Variants in RNASEH2A observed in about 807,000 individuals in gnomAD.
The protein encoded by RNASEH2A is ribonuclease H2 subunit A, also known as RNase H(35).
RNASEH2A carries 30 observed loss-of-function variants against 32.7 expected under a neutral mutation model. The observed-to-expected ratio is 0.92, with a 90% CI of 0.69 to 1.25. The LOEUF (loss-of-function observed/expected upper bound fraction) is 1.25. Among genes scored for constraint, RNASEH2A ranks in the 50% most tolerant of loss-of-function variants. The probability of loss-of-function intolerance (pLI) is 0.00; values close to 1 mark genes in which losing one functional copy is unlikely to be tolerated. For missense variants in RNASEH2A, 409 were observed against 398.1 expected, an observed-to-expected ratio of 1.03 and a Z score of -0.23; for synonymous variants, 147 against 165.4, an observed-to-expected ratio of 0.89 and a Z score of 0.86.
Position 12,807,330 on chromosome 19 carries a change from G to A in RNASEH2A, c.323+1G>A, listed in dbSNP as rs1388246689. ...TCATCTCTACCAGCATGCTTGGGCG[G>A]TGAGGGGTCCCCGGGAGGGGCAGCC... On this transcript the variant is annotated splice_donor_variant, in intron 3 of 7. Transcript: ENST00000221486. LOFTEE classifies it high-confidence loss of function. 6.2e-7 allele frequency: 1 copy of A among 1,614,174 alleles called. No individual in the cohort carries two copies. The highest frequency in any genetic ancestry group is 2.2e-5 in the East Asian group (1 of 44,882).
At chr19:12,813,026 G>T in intron 6 of RNASEH2A, 57 bp from the exon 7 acceptor site, 3 of 1,609,924 alleles carry the variant, frequency 1.9e-6, no homozygotes, top group Non-Finnish European at 2.5e-6. Flanking sequence ...AAGAGTGGCA[G>T]GGAGCTTGAA....
Position 12,806,680 on chromosome 19 carries a change from C to T in RNASEH2A, c.7C>T (p.Leu3Phe). The T allele has an allele frequency of 6.3e-7, 1 of 1,574,828 alleles. No homozygotes were observed. Among genetic ancestry groups the T allele is most frequent in the South Asian group, 1.2e-5 (1 of 86,130 alleles). Residue 3 changes from leucine to phenylalanine, a missense_variant, in exon 1 of 8, where the codon CTC becomes TTC. By Grantham distance (22) the Leu-to-Phe change is conservative. Transcript: ENST00000221486. ...TGGTGGCGGCTGAGGCGGCATGGAT[C>T]TCAGCGAGCTGGAGAGAGACAATAC... MD[L>F]SELERDNTGR...
chr19:12,813,361 C>T lies in RNASEH2A; in HGVS notation c.795C>T (p.Leu265=). ...EDSASENQEG[L]RKITSYFLNE... ...CAGCATCCGAGAATCAGGAGGGACT[C>T]AGGAAGATCACATCCTACTTCCTCA... is the stretch of plus-strand genomic sequence containing the variant. Residue 265 remains leucine, a synonymous_variant, in exon 8 of 8, where the codon CTC becomes CTT. Coordinates refer to ENST00000221486, the MANE Select transcript of RNASEH2A (RefSeq NM_006397.3). The T allele has an allele frequency of 6.2e-7, 1 of 1,614,164 alleles. No homozygotes were observed.
At position 12,813,467 on chromosome 19, in the gene RNASEH2A, C is replaced by A; in HGVS notation, c.*1C>A. 6.2e-7 allele frequency: 1 copy of A among 1,613,256 alleles called. No homozygotes were observed. Among genetic ancestry groups the A allele is most frequent in the Non-Finnish European group, 8.5e-7 (1 of 1,180,022 alleles). On this transcript the variant is annotated 3_prime_UTR_variant, in exon 8 of 8. Transcript: ENST00000221486. The stretch of plus-strand genomic sequence containing the variant: ...CCTGGAGTCAGCAACCAGCCTCTAG[C>A]AGCTGCCTCTACGCGCTCTACCTGC...
intron 4 of RNASEH2A, chr19:12,807,805 G>A (rs145838677): frequency 3.5e-4 from 136 of 390,766 alleles, no homozygotes; most frequent in East Asian, 1.7e-3. Context: ...GGTGGCAGGC[G>A]CCTGTAATCC....
chr19:12,809,956 T>C, intron 4 of RNASEH2A, 115 bp from the exon 5 acceptor site: 3 of 1,346,722 alleles, frequency 2.2e-6, no homozygotes, highest in Non-Finnish European at 3.2e-6. Context: ...TGATCCATCC[T>C]GGGGACGTGC....
In RNASEH2A at chr19:12,813,134, T is replaced by A. The variant is rs761897886; in HGVS notation, c.689T>A (p.Phe230Tyr). 2 of 1,613,876 alleles carry A rather than the reference T, an allele frequency of 1.2e-6. No homozygotes were observed. Among genetic ancestry groups the A allele is most frequent in the Non-Finnish European group, 8.5e-7 (1 of 1,179,996 alleles). The change falls in exon 7 of 8, where the codon TTC becomes TAC. Residue 230 changes from phenylalanine (F) to tyrosine (Y), a missense_variant. By Grantham distance (22) the Phe-to-Tyr change is conservative (BLOSUM62 3). Coordinates refer to ENST00000221486, the MANE Select transcript of RNASEH2A (RefSeq NM_006397.3). ...LKEHVEPVFG[F>Y]PQFVRFSWRT... Reference sequence around the variant, plus strand: ...GAGCACGTGGAGCCTGTGTTCGGCTTCCCCCAGTTTGTCCGGTTCAGCTGG... The same window carrying A: ...GAGCACGTGGAGCCTGTGTTCGGCTACCCCCAGTTTGTCCGGTTCAGCTGG...
At chr19:12,808,970 G>C (rs1969035143) in intron 4 of RNASEH2A, among the ~76,000 whole-genome samples, 1 of 152,164 alleles carries the variant, frequency 6.6e-6, no homozygotes, top group Non-Finnish European at 1.5e-5. Context: ...AGACCCTGCT[G>C]AGGAGGGACC....
rs1289383180 is a variant in RNASEH2A, at chr19:12,806,711, G to A, written c.38G>A (p.Arg13His). 3.8e-6 allele frequency: 6 copies of A among 1,569,712 alleles called. No homozygotes were observed. The highest frequency in any genetic ancestry group is 2.7e-5 in the African/African-American group (2 of 74,184). The change falls in exon 1 of 8, where the codon CGC becomes CAC. Residue 13 changes from arginine (R) to histidine (H), a missense_variant. By Grantham distance (29) the Arg-to-His change is conservative (BLOSUM62 0). Transcript: ENST00000221486. ...LSELERDNTG[R>H]CRLSSPVPAV... ...GAGCTGGAGAGAGACAATACAGGCC[G>A]CTGTCGCCTGAGTTCGCCTGTGCCC...
In RNASEH2A at chr19:12,813,440, G is replaced by C. The variant is rs768346345; in HGVS notation, c.874G>C (p.Gly292Arg). The C allele has an allele frequency of 1.9e-6, 3 of 1,613,816 alleles. No individual in the cohort carries two copies. The highest frequency in any genetic ancestry group is 2.5e-6 in the Non-Finnish European group (3 of 1,180,012). Residue 292 changes from glycine to arginine, a missense_variant, in exon 8 of 8, where the codon GGC becomes CGC. Transcript: ENST00000221486. ...TTCCCACCGATATTTCCTGGAACGCGGCCTGGAGTCAGCAACCAGCCTCTA... is the reference window on the plus strand; with the variant it reads ...TTCCCACCGATATTTCCTGGAACGCCGCCTGGAGTCAGCAACCAGCCTCTA... ...RSSHRYFLER[G>R]LESATSL
rs2145823865 is a variant in RNASEH2A at position 12,806,634 on chromosome 19, A to G, written c.-40A>G. 4 of 1,563,214 alleles carry G rather than the reference A, an allele frequency of 2.6e-6. No homozygotes were observed. On this transcript the variant is annotated 5_prime_UTR_variant, in exon 1 of 8. Coordinates refer to ENST00000221486, the MANE Select transcript of RNASEH2A (RefSeq NM_006397.3). ...AACGCGCGCCGAGACCCGCTCCTGC[A>G]GTATTAGTTCTTGCAGCTGGTGGTG...
chr19:12,810,730 A>G (rs1969060942), intron 6 of RNASEH2A, among the ~76,000 whole-genome samples: 1 of 151,954 alleles, frequency 6.6e-6, no homozygotes, highest in African/African-American at 2.4e-5. Context: ...AGTTTTCTCC[A>G]TGTTGGTCAG....
At chr19:12,810,497 A>AT (rs1328606269) in intron 6 of RNASEH2A, 93 bp downstream of exon 6, 3 of 1,122,556 alleles carry the variant, frequency 2.7e-6, no homozygotes, top group Non-Finnish European at 4.0e-6. Flanking sequence ...GTCATTTATC[A>AT]TTTTATTTTG....
chr19:12,813,402 C>G lies in RNASEH2A; in HGVS notation c.836C>G (p.Ala279Gly), dbSNP rs2145830509. ...TSYFLNEGSQ[A>G]RPRSSHRYFL... The stretch of plus-strand genomic sequence containing the variant: ...TACTTCCTCAATGAAGGGTCCCAAG[C>G]CCGTCCCCGTTCTTCCCACCGATAT... The change falls in exon 8 of 8, where the codon GCC becomes GGC. Residue 279 changes from alanine to glycine, a missense_variant. Coordinates refer to ENST00000221486, the MANE Select transcript of RNASEH2A (RefSeq NM_006397.3). 1 of 1,614,116 alleles carries G rather than the reference C, an allele frequency of 6.2e-7. No homozygotes were observed. The highest frequency in any genetic ancestry group is 1.7e-5 in the Admixed American group (1 of 59,996).
chr19:12,812,008 C>T (rs999709515), intron 6 of RNASEH2A, among the ~76,000 whole-genome samples: 3 of 151,804 alleles, frequency 2.0e-5, no homozygotes, highest in Non-Finnish European at 2.9e-5. Context: ...GAGACAGAGG[C>T]AGGTAGATCA....
At position 12,810,071 on chromosome 19, in the gene RNASEH2A, G is replaced by A. The variant is rs746895261; in HGVS notation, c.412G>A (p.Val138Ile). The change falls in exon 5 of 8, where the codon GTA (valine) becomes ATA (isoleucine). Residue 138 changes from valine (V) to isoleucine (I), a missense_variant and splice_region_variant. By Grantham distance (29) the Val-to-Ile change is conservative (BLOSUM62 3). Coordinates refer to ENST00000221486, the MANE Select transcript of RNASEH2A (RefSeq NM_006397.3). ...TAATATGTGTCTGTTGCTGTGGCAG[G>A]TATTCGTGGACACCGTAGGGATGCC... is the stretch of plus-strand genomic sequence containing the variant. ...ALDQGVNVTQ[V>I]FVDTVGMPET... The A allele has an allele frequency of 3.7e-6, 6 of 1,614,020 alleles. No homozygotes were observed. In the African/African-American group the frequency reaches 8.0e-5, roughly 22 times the overall value.
chr19:12,812,755 C>T (rs557618964), intron 6 of RNASEH2A, among the ~76,000 whole-genome samples: 6 of 151,966 alleles, frequency 3.9e-5, no homozygotes, highest in Non-Finnish European at 8.8e-5. Flanking sequence ...GCCTGTAATC[C>T]CAGCACTTTG....
In RNASEH2A at chr19:12,813,395, T is replaced by C; in HGVS notation, c.829T>C (p.Ser277Pro). Residue 277 changes from serine (S) to proline (P), a missense_variant, in exon 8 of 8, where the codon TCC becomes CCC. By Grantham distance (74) the Ser-to-Pro change is moderately conservative. Coordinates refer to ENST00000221486, the MANE Select transcript of RNASEH2A (RefSeq NM_006397.3). ...KITSYFLNEG[S>P]QARPRSSHRY... is the part of the protein sequence containing the mutation. Reference sequence around the variant, plus strand: ...CACATCCTACTTCCTCAATGAAGGGTCCCAAGCCCGTCCCCGTTCTTCCCA... The same window carrying C: ...CACATCCTACTTCCTCAATGAAGGGCCCCAAGCCCGTCCCCGTTCTTCCCA... 6.2e-7 allele frequency: 1 copy of C among 1,614,022 alleles called. No individual in the cohort carries two copies. The highest frequency in any genetic ancestry group is 8.5e-7 in the Non-Finnish European group (1 of 1,180,006).
In RNASEH2A at chr19:12,807,494, G is replaced by C. The variant is rs756446580; in HGVS notation, c.399G>C (p.Val133=). The change falls in exon 4 of 8, where the codon GTG becomes GTC. Residue 133 remains valine (V), a synonymous_variant. Coordinates refer to ENST00000221486, the MANE Select transcript of RNASEH2A (RefSeq NM_006397.3). ...GLIQYALDQG[V]NVTQVFVDTV... Reference sequence around the variant, plus strand: ...TACAGTATGCATTGGACCAGGGCGTGAACGTCACCCAGGTGAGTTAACTGT... The same window carrying C: ...TACAGTATGCATTGGACCAGGGCGTCAACGTCACCCAGGTGAGTTAACTGT... 1 of 1,614,012 alleles carries C rather than the reference G, an allele frequency of 6.2e-7. No homozygotes were observed. Among genetic ancestry groups the C allele is most frequent in the Non-Finnish European group, 8.5e-7 (1 of 1,179,892 alleles).
Sources: allele counts gnomAD v4.1 joint callset (sites outside exome capture counted in the v4.1 genomes callset), GRCh38; gene constraint gnomAD v4.1.1; transcripts MANE v1.5; gene names NCBI Gene and HGNC (gene_info 2026-07-23, HGNC 2026-07-21).